TLN1: variants seen among roughly 807,000 people sequenced by gnomAD.
The protein encoded by TLN1 is talin-1.
In TLN1, 56 loss-of-function variants were observed where a neutral mutation model predicts 292.3. The observed-to-expected ratio is 0.19, with a 90% CI of 0.15 to 0.24. The LOEUF (loss-of-function observed/expected upper bound fraction) is 0.24, where lower values mean the gene tolerates loss of function less well. Ranked by LOEUF, TLN1 falls within the 10% of genes least tolerant of loss-of-function variation. The pLI is 1.00. For synonymous variants in TLN1, 1,119 were observed against 1,253.7 expected, an observed-to-expected ratio of 0.89 and a Z score of 2.27; for missense variants, 2,433 against 3,248.2, an observed-to-expected ratio of 0.75 and a Z score of 6.10.
chr9:35,712,702 G>T, intron 27 of TLN1, 133 bp downstream of exon 27: 1 of 705,766 alleles, frequency 1.4e-6, no homozygotes, highest in East Asian at 2.7e-5. Flanking sequence ...ATCCACAGAG[G>T]GGCTGTCAAG....
In TLN1 at chr9:35,717,945, C is replaced by T. The variant is rs903215032; in HGVS notation, c.1996-159G>A. ...ACCCCGAGCTACTGCCCTGAGCACC[C>T]AGCAGGACAGAACCCCCACCGAGGA... On this transcript the variant is annotated intron_variant, in intron 17 of 56. Coordinates refer to ENST00000314888, the MANE Select transcript of TLN1 (RefSeq NM_006289.4). This position sits in a 1 kb window ranked among gnomAD's most constrained non-coding sequence, Gnocchi z 4.7. Among the ~76,000 whole-genome samples, 1 of 152,106 alleles carries T rather than the reference C, an allele frequency of 6.6e-6. No homozygotes were observed. The highest frequency in any genetic ancestry group is 1.5e-5 in the Non-Finnish European group (1 of 68,024).
intron 9 of TLN1, 123 bp from the exon 10 acceptor site, chr9:35,721,926 A>G: frequency 7.4e-7 from 1 of 1,360,088 alleles, no homozygotes; most frequent in Non-Finnish European, 1.0e-6. Context: ...ACAAGGGAAA[A>G]TGCAGGGTAG....
In TLN1 at chr9:35,715,201, G is replaced by A. The variant is rs1428755095; in HGVS notation, c.2626-14C>T. 1.2e-6 allele frequency: 2 copies of A among 1,606,702 alleles called. No individual in the cohort carries two copies. Among genetic ancestry groups the A allele is most frequent in the South Asian group, 2.2e-5 (2 of 91,008 alleles). ...GGCAGCTGCTCCCTGAGGGAGAGGT[G>A]GAAAGACAGTCATCACCCAGCTCTC... On this transcript the variant is annotated splice_polypyrimidine_tract_variant and intron_variant, in intron 20 of 56. Coordinates refer to ENST00000314888, the MANE Select transcript of TLN1 (RefSeq NM_006289.4).
rs1321728049 is a variant in TLN1 at position 35,720,060 on chromosome 9, G to C, written c.1443C>G (p.His481Gln). 6.3e-7 allele frequency: 1 copy of C among 1,595,464 alleles called. No individual in the cohort carries two copies. Among genetic ancestry groups the C allele is most frequent in the Non-Finnish European group, 8.5e-7 (1 of 1,171,336 alleles). Residue 481 changes from histidine to glutamine, a missense_variant, in exon 13 of 57, where the codon CAC (histidine) becomes CAG (glutamine). Physicochemically the swap from His to Gln is conservative, Grantham distance 24 (BLOSUM62 0). This residue lies in a region of TLN1 where 617 missense variants were observed against 770.6 expected (regional missense o/e 0.80). Coordinates refer to ENST00000314888, the MANE Select transcript of TLN1 (RefSeq NM_006289.4). ...TTACCAGAGGAGGCATGTGTCCTCGGTGCATCTGGCCGCTGGTAATCTGCT... is the reference window on the plus strand; with the variant it reads ...TTACCAGAGGAGGCATGTGTCCTCGCTGCATCTGGCCGCTGGTAATCTGCT... The part of the protein sequence containing the change: ...AQQQITSGQM[H>Q]RGHMPPLTSA...
chr9:35,710,742 T>C (rs747814753), intron 32 of TLN1, 55 bp downstream of exon 32: 1 of 1,613,126 alleles, frequency 6.2e-7, no homozygotes, highest in East Asian at 2.2e-5. Context: ...CAGGGCAGCA[T>C]CTGGTTAGCT....
Position 35,711,613 on chromosome 9 carries a change from C to T in TLN1, c.3861G>A (p.Glu1287=). The change falls in exon 29 of 57, where the codon GAG becomes GAA. Residue 1287 remains glutamate (E), a synonymous_variant. Coordinates refer to ENST00000314888, the MANE Select transcript of TLN1 (RefSeq NM_006289.4). The part of the protein sequence containing the change: ...DFSTFLEAGV[E]MAGQAPSQED... ...TTCATACCGGAGCCTGGCCTGCCAT[C>T]TCCACACCAGCTTCCAGGAAGGTGC... The T allele has an allele frequency of 1.2e-6, 2 of 1,613,908 alleles. No homozygotes were observed. Among genetic ancestry groups the T allele is most frequent in the East Asian group, 2.2e-5 (1 of 44,888 alleles).
At chr9:35,722,082 G>C in intron 9 of TLN1, 37 bp downstream of exon 9, 1 of 1,573,650 alleles carries the variant, frequency 6.4e-7, no homozygotes, top group Non-Finnish European at 8.7e-7. Flanking sequence ...GCAAGAGTGG[G>C]AAACAAGGAG....
At chr9:35,721,878 G>T in intron 9 of TLN1, 75 bp from the exon 10 acceptor site, 1 of 1,568,074 alleles carries the variant, frequency 6.4e-7, no homozygotes. Context: ...TCAGCTTGCA[G>T]CCATAGGGGA....
At position 35,704,342 on chromosome 9, in the gene TLN1, C is replaced by T. The variant is rs144809355; in HGVS notation, c.6037G>A (p.Ala2013Thr). 6.8e-4 allele frequency: 1,093 copies of T among 1,613,322 alleles called. 1 individual carries two copies. Among genetic ancestry groups the T allele is most frequent in the Middle Eastern group, 1.7e-3 (10 of 6,060 alleles). The change falls in exon 45 of 57, where the codon GCT (alanine) becomes ACT (threonine). Residue 2013 changes from alanine (A) to threonine (T), a missense_variant. By Grantham distance (58) the Ala-to-Thr change is moderately conservative. Around this residue, in one of 7 missense-constraint regions of TLN1, gnomAD observed 1,384 missense variants for 1,699.6 expected, o/e 0.81. Transcript: ENST00000314888. This position sits in a 1 kb window ranked among gnomAD's most constrained non-coding sequence, Gnocchi z 6.9. ...CAGTTCCTGTCTTACCGGTGGTCAGCGAAAGTTTCAGTACCCTCACGATTG... is the reference window on the plus strand; with the variant it reads ...CAGTTCCTGTCTTACCGGTGGTCAGTGAAAGTTTCAGTACCCTCACGATTG... ...TLNREGTETF[A>T]DHREGILKTA...
chr9:35,703,630 A>C lies in TLN1; in HGVS notation c.6404T>G (p.Val2135Gly). The stretch of plus-strand genomic sequence containing the variant: ...AGTGCCTTTGGTGGCCTCATCTTCC[A>C]CGGCTTTTACTGTCTTAAGCAATGA... The part of the protein sequence containing the change: ...VTSLLKTVKA[V>G]EDEATKGTRA... The change falls in exon 48 of 57, where the codon GTG (valine) becomes GGG (glycine). Residue 2135 changes from valine (V) to glycine (G), a missense_variant. This residue lies in a region of TLN1 where 1,384 missense variants were observed against 1,699.6 expected (regional missense o/e 0.81). Transcript: ENST00000314888. 1.9e-6 allele frequency: 3 copies of C among 1,614,132 alleles called. No individual in the cohort carries two copies. The highest frequency in any genetic ancestry group is 2.5e-6 in the Non-Finnish European group (3 of 1,180,018).
chr9:35,708,220 G>T, intron 34 of TLN1, 121 bp downstream of exon 34: 1 of 1,263,958 alleles, frequency 7.9e-7, no homozygotes, highest in Non-Finnish European at 1.1e-6. Context: ...AAAAGAAGCT[G>T]TGTGTGCAAG....
rs1825562965 is a variant in TLN1 at position 35,706,218 on chromosome 9, T to C, written c.5339A>G (p.Lys1780Arg). The C allele has an allele frequency of 2.5e-6, 4 of 1,610,002 alleles. No homozygotes were observed. Among genetic ancestry groups the C allele is most frequent in the Middle Eastern group, 1.7e-4 (1 of 6,054 alleles). ...ESALQLLYTA[K>R]EAGGNPKQAA... ...TACCTTTGGGTTACCACCAGCCTCC[T>C]TGGCAGTGTATAGCAACTGCAGGGC... The change falls in exon 40 of 57, where the codon AAG becomes AGG. Residue 1780 changes from lysine (K) to arginine (R), a missense_variant. By Grantham distance (26) the Lys-to-Arg change is conservative (BLOSUM62 2). This residue lies in a region of TLN1 where 1,384 missense variants were observed against 1,699.6 expected (regional missense o/e 0.81). Coordinates refer to ENST00000314888, the MANE Select transcript of TLN1 (RefSeq NM_006289.4). This position sits in a 1 kb window ranked among gnomAD's most constrained non-coding sequence, Gnocchi z 4.2.
Position 35,704,597 on chromosome 9 carries a change from G to A in TLN1, c.5880+72C>T. Reference sequence around the variant, plus strand: ...AGTGACAACAGGAGAGGGCTGAGAGGGCTGGAGGAGGATGGCAAAGGCTAC... The same window carrying A: ...AGTGACAACAGGAGAGGGCTGAGAGAGCTGGAGGAGGATGGCAAAGGCTAC... On this transcript the variant is annotated intron_variant, in intron 44 of 56. Transcript: ENST00000314888. This position sits in a 1 kb window ranked among gnomAD's most constrained non-coding sequence, Gnocchi z 6.9. 6.3e-7 allele frequency: 1 copy of A among 1,598,600 alleles called. No homozygotes were observed. The highest frequency in any genetic ancestry group is 8.5e-7 in the Non-Finnish European group (1 of 1,171,056).
chr9:35,720,127 C>T lies in TLN1; in HGVS notation c.1376G>A (p.Gly459Asp), dbSNP rs753970978. 22 of 1,612,560 alleles carry T rather than the reference C, an allele frequency of 1.4e-5. No homozygotes were observed. The highest frequency in any genetic ancestry group is 1.7e-5 in the Non-Finnish European group (20 of 1,179,412). ...LPAIMRSGAS[G>D]PENFQVGSMP... ...GCTGCCCACCTGGAAATTCTCAGGA[C>T]CAGAGGCTCCAGAGCGCATGATGGC... The change falls in exon 13 of 57, where the codon GGT (glycine) becomes GAT (aspartate). Residue 459 changes from glycine to aspartate, a missense_variant. Gly to Asp is a moderately conservative substitution (Grantham distance 94). Around this residue, in one of 7 missense-constraint regions of TLN1, gnomAD observed 617 missense variants for 770.6 expected, o/e 0.80. Transcript: ENST00000314888.
Position 35,711,348 on chromosome 9 carries a change from G to C in TLN1, c.3926C>G (p.Ser1309Cys), listed in dbSNP as rs878917589. The change falls in exon 30 of 57, where the codon TCC (serine) becomes TGC (cysteine). Residue 1309 changes from serine (S) to cysteine (C), a missense_variant. Ser to Cys is a moderately radical substitution (Grantham distance 112). This residue lies in a region of TLN1 where 1,384 missense variants were observed against 1,699.6 expected (regional missense o/e 0.81). Transcript: ENST00000314888. The part of the protein sequence containing the change: ...AQVVSNLKGI[S>C]MSSSKLLLAA... ...CAGAAGAAGTTTGCTTGAAGACATGGAGATGCCCTTCAAGTTGGACACAAC... is the reference window on the plus strand; with the variant it reads ...CAGAAGAAGTTTGCTTGAAGACATGCAGATGCCCTTCAAGTTGGACACAAC... The C allele has an allele frequency of 3.1e-6, 5 of 1,614,216 alleles. No homozygotes were observed. Among genetic ancestry groups the C allele is most frequent in the Non-Finnish European group, 3.4e-6 (4 of 1,180,044 alleles).
chr9:35,718,788 T>TG (rs1160708497), intron 17 of TLN1, 24 bp downstream of exon 17: 2 of 1,602,966 alleles, frequency 1.2e-6, no homozygotes, highest in Non-Finnish European at 1.7e-6. Context: ...TCTGGGGTTC[T>TG]GGGGGGTTGG....
chr9:35,699,585 A>G lies in TLN1; in HGVS notation c.6769-124T>C, dbSNP rs753014611. ...AGAGCACTCCACACCATAGCCCTCAAACTCCACGCTGCCTATCCAAGTACA... is the reference window on the plus strand; with the variant it reads ...AGAGCACTCCACACCATAGCCCTCAGACTCCACGCTGCCTATCCAAGTACA... On this transcript the variant is annotated intron_variant, in intron 50 of 56. Transcript: ENST00000314888. This position sits in a 1 kb window ranked among gnomAD's most constrained non-coding sequence, Gnocchi z 4.0. 1.2e-5 allele frequency: 17 copies of G among 1,434,158 alleles called. No homozygotes were observed. The highest frequency in any genetic ancestry group is 1.5e-5 in the Non-Finnish European group (16 of 1,095,638). The allele number at this position is 1,434,158 out of a possible 1,614,324, so 88.8% of individuals were successfully genotyped here.
chr9:35,714,329 C>G lies in TLN1; in HGVS notation c.3030G>C (p.Thr1010=). Residue 1010 remains threonine (T), a synonymous_variant, in exon 24 of 57, where the codon ACG becomes ACC. Coordinates refer to ENST00000314888, the MANE Select transcript of TLN1 (RefSeq NM_006289.4). The surrounding 1 kb of genome is among the most constrained non-coding windows in gnomAD (Gnocchi z 4.6). The part of the protein sequence containing the change: ...MVAAAKASVP[T]IQDQASAMQL... ...GCATGGCTGAAGCCTGGTCCTGAAT[C>G]GTTGGCACTGAGGCCTTTGCAGCTG... The G allele has an allele frequency of 5.0e-6, 8 of 1,613,802 alleles. No individual in the cohort carries two copies. Among genetic ancestry groups the G allele is most frequent in the Non-Finnish European group, 6.8e-6 (8 of 1,179,802 alleles).
In TLN1 at chr9:35,704,002, G is replaced by C. The variant is rs992376960; in HGVS notation, c.6220C>G (p.Pro2074Ala). 1.2e-6 allele frequency: 2 copies of C among 1,612,852 alleles called. No homozygotes were observed. Among genetic ancestry groups the C allele is most frequent in the Admixed American group, 3.3e-5 (2 of 59,972 alleles). The change falls in exon 46 of 57, where the codon CCT becomes GCT. Residue 2074 changes from proline to alanine, a missense_variant. Around this residue, in one of 7 missense-constraint regions of TLN1, gnomAD observed 1,384 missense variants for 1,699.6 expected, o/e 0.81. Coordinates refer to ENST00000314888, the MANE Select transcript of TLN1 (RefSeq NM_006289.4). The surrounding 1 kb of genome is among the most constrained non-coding windows in gnomAD (Gnocchi z 6.9). ...CATCAGGTCACTACCTGGGTCTCAG[G>C]GTCCTCAGCTCCCAGGCTGGCTGCA... ...LGAASLGAED[P>A]ETQVVLINAV...
Sources: gnomAD v4.1 joint callset for allele counts (sites outside exome capture counted in the v4.1 genomes callset) on GRCh38, gnomAD v4.1.1 for gene constraint, gnomAD v4.1.1 regional missense constraint, Gnocchi (gnomAD v3.1) non-coding constraint, MANE v1.5 for transcripts, NCBI Gene and HGNC (gene_info 2026-07-23, HGNC 2026-07-21) for gene names.